The following PPP2R5D variants were observed in gnomAD, a reference collection of about 807,000 sequenced individuals.
PPP2R5D encodes protein phosphatase 2 regulatory subunit B'delta, also known as serine/threonine-protein phosphatase 2A 56 kDa regulatory subunit delta isoform.
A neutral mutation model predicts 79.1 loss-of-function variants in PPP2R5D; 12 were observed. The ratio of observed to expected loss-of-function variants is 0.15; its 90% CI spans 0.10 to 0.25. The LOEUF is 0.25. PPP2R5D is among the 10% of genes least tolerant of loss of function. The pLI, the probability that PPP2R5D is intolerant of heterozygous loss-of-function variation, is 1.00. For synonymous variants in PPP2R5D, 277 were observed against 286.6 expected, an observed-to-expected ratio of 0.97 and a Z score of 0.34; for missense variants, 419 against 760.2, an observed-to-expected ratio of 0.55 and a Z score of 5.28.
At position 43,010,919 on chromosome 6, in the gene PPP2R5D, G is replaced by A. The variant is rs755103246; in HGVS notation, c.1593G>A (p.Val531=). The A allele has an allele frequency of 1.2e-6, 2 of 1,614,130 alleles. No individual in the cohort carries two copies. Among genetic ancestry groups the A allele is most frequent in the Non-Finnish European group, 8.5e-7 (1 of 1,180,028 alleles). The change falls in exon 15 of 16, where the codon GTG becomes GTA. Residue 531 remains valine, a synonymous_variant. Transcript: ENST00000485511. The surrounding 1 kb of genome is among the most constrained non-coding windows in gnomAD (Gnocchi z 4.7). ...MFRAPPPLPP[V]YSMETETPTA... is the part of the protein sequence containing the mutation. The stretch of plus-strand genomic sequence containing the variant: ...GAGCCCCTCCACCACTGCCCCCTGT[G>A]TACTCGATGGAGACAGAGACCCCCA...
chr6:43,004,593 T>G (rs933889975), intron 2 of PPP2R5D, among the ~76,000 whole-genome samples: 5 of 149,166 alleles, frequency 3.4e-5, no homozygotes, highest in African/African-American at 5.0e-5. Flanking sequence ...TTTTTGAGAT[T>G]TAGATATTAT....
intron 2 of PPP2R5D, among the ~76,000 whole-genome samples, chr6:42,990,512 G>A (rs116091500): frequency 0.011 from 1,697 of 152,198 alleles, 30 homozygotes; most frequent in African/African-American, 0.038. Flanking sequence ...TTAACTATGC[G>A]TTTAGATGTT....
chr6:42,997,254 G>A (rs190585896), intron 2 of PPP2R5D, among the ~76,000 whole-genome samples: 2 of 151,710 alleles, frequency 1.3e-5, no homozygotes, highest in Admixed American at 6.6e-5. Flanking sequence ...GTGCAATGGC[G>A]TGATCTCAGC....
At chr6:42,998,046 T>TATATATATATAC (rs1771890512) in intron 2 of PPP2R5D, among the ~76,000 whole-genome samples, 1 of 29,618 alleles carries the variant, frequency 3.4e-5, no homozygotes, top group African/African-American at 9.5e-5. Flanking sequence ...TATATATATA[T>TATATATATATAC]ATATATATAT....
Position 43,010,079 on chromosome 6 carries a change from C to A in PPP2R5D, c.1380-389C>A, listed in dbSNP as rs75950129. The stretch of plus-strand genomic sequence containing the variant: ...GTGAGACTCCGTCTTAAAAAAAAAA[C>A]TCAGGGTTTTGAAAAGACTTTTCTG... On this transcript the variant is annotated intron_variant, in intron 12 of 15. Transcript: ENST00000485511. This position sits in a 1 kb window ranked among gnomAD's most constrained non-coding sequence, Gnocchi z 4.7. Among the ~76,000 whole-genome samples, 3 of 144,308 alleles carry A rather than the reference C, an allele frequency of 2.1e-5. No homozygotes were observed. The highest frequency in any genetic ancestry group is 8.5e-5 in the African/African-American group (3 of 35,198). 94.7% of individuals were successfully genotyped at this position (144,308 alleles called of 152,430 possible).
Position 43,008,535 on chromosome 6 carries a change from A to T in PPP2R5D, c.1026+60A>T. ...GGCAGCAGAGAAAAGAGCCGGCAGGAAAGTGTTCCAGCTGGGATAGGGGAA... is the reference window on the plus strand; with the variant it reads ...GGCAGCAGAGAAAAGAGCCGGCAGGTAAGTGTTCCAGCTGGGATAGGGGAA... On this transcript the variant is annotated intron_variant, in intron 9 of 15. Coordinates refer to ENST00000485511, the MANE Select transcript of PPP2R5D (RefSeq NM_006245.4). This position sits in a 1 kb window ranked among gnomAD's most constrained non-coding sequence, Gnocchi z 4.2. 6.5e-7 allele frequency: 1 copy of T among 1,530,898 alleles called. No homozygotes were observed. Among genetic ancestry groups the T allele is most frequent in the Non-Finnish European group, 9.0e-7 (1 of 1,105,296 alleles). 94.8% of individuals were successfully genotyped at this position (1,530,898 alleles called of 1,614,324 possible).
chr6:43,011,883 G>T lies in PPP2R5D; in HGVS notation c.*597G>T, dbSNP rs1762366898. 6.3e-6 allele frequency: 1 copy of T among 157,888 alleles called. No homozygotes were observed. The highest frequency in any genetic ancestry group is 1.9e-4 in the South Asian group (1 of 5,308). The allele number at this position is 157,888 out of a possible 1,614,324, so 9.8% of individuals were successfully genotyped here. On this transcript the variant is annotated 3_prime_UTR_variant, in exon 16 of 16. Coordinates refer to ENST00000485511, the MANE Select transcript of PPP2R5D (RefSeq NM_006245.4). ...GGTCAAAAGGAGAAAAGTATAGGCT[G>T]TGGACAATAACTGATGAATATAGGG...
chr6:42,995,853 G>A (rs180919581), intron 2 of PPP2R5D, among the ~76,000 whole-genome samples: 2 of 149,414 alleles, frequency 1.3e-5, no homozygotes, highest in African/African-American at 4.9e-5. Context: ...AGCTGGGGCT[G>A]CAGGCACGAG....
rs1057087182 is a variant in PPP2R5D at position 42,998,396 on chromosome 6, C to T, written c.106-8067C>T. Among the ~76,000 whole-genome samples the T allele has an allele frequency of 2.6e-5, 4 of 151,674 alleles. No homozygotes were observed. The South Asian group carries it at 6.3e-4, about 24-fold the overall frequency. ...CGTGGGTTTAATTATTAATGATGGC[C>T]GTGTTCGGAATAGGCTGGACCAGGA... On this transcript the variant is annotated intron_variant, in intron 2 of 15. Coordinates refer to ENST00000485511, the MANE Select transcript of PPP2R5D (RefSeq NM_006245.4).
chr6:42,984,787 C>A, intron 1 of PPP2R5D, 83 bp downstream of exon 1: 1 of 1,585,680 alleles, frequency 6.3e-7, no homozygotes. Context: ...CCCGGGACAG[C>A]CCCAGACTGA....
intron 2 of PPP2R5D, among the ~76,000 whole-genome samples, chr6:42,999,903 G>A (rs1772053516): frequency 6.6e-6 from 1 of 151,806 alleles, no homozygotes; most frequent in Non-Finnish European, 1.5e-5. Flanking sequence ...AAACCTTACC[G>A]GAATAATCGT....
chr6:42,992,435 C>G (rs1305562870), intron 2 of PPP2R5D, among the ~76,000 whole-genome samples: 1 of 152,158 alleles, frequency 6.6e-6, no homozygotes, highest in Non-Finnish European at 1.5e-5. Context: ...CAGAGCCTTT[C>G]TAATTGATCT....
At position 43,008,109 on chromosome 6, in the gene PPP2R5D, T is replaced by G; in HGVS notation, c.857+44T>G. ...GCTTAGGAGCAAAACCTTCTGCTAC[T>G]GAGGTGGGGTGGGAGCAGGGAGGTG... On this transcript the variant is annotated intron_variant, in intron 7 of 15. Transcript: ENST00000485511. This position sits in a 1 kb window ranked among gnomAD's most constrained non-coding sequence, Gnocchi z 4.2. 3.1e-6 allele frequency: 5 copies of G among 1,613,710 alleles called. No homozygotes were observed. Among genetic ancestry groups the G allele is most frequent in the Non-Finnish European group, 4.2e-6 (5 of 1,179,664 alleles).
Position 43,006,626 on chromosome 6 carries a change from C to T in PPP2R5D, c.269C>T (p.Ser90Phe). Residue 90 changes from serine (S) to phenylalanine (F), a missense_variant, in exon 3 of 16, where the codon TCC becomes TTC. By Grantham distance (155) the Ser-to-Phe change is radical (BLOSUM62 -2). Around this residue, in one of 5 missense-constraint regions of PPP2R5D, gnomAD observed 110 missense variants for 147.6 expected, o/e 0.75. Transcript: ENST00000485511. The surrounding 1 kb of genome is among the most constrained non-coding windows in gnomAD (Gnocchi z 4.7). ...AAGAAGGAGCGACGGCAAAGCTCCTCCCGCTTCAACCTCAGCAAGAATCGG... is the reference window on the plus strand; with the variant it reads ...AAGAAGGAGCGACGGCAAAGCTCCTTCCGCTTCAACCTCAGCAAGAATCGG... ...IVKKERRQSS[S>F]RFNLSKNREL... The T allele has an allele frequency of 6.2e-7, 1 of 1,614,174 alleles. No homozygotes were observed. Among genetic ancestry groups the T allele is most frequent in the Non-Finnish European group, 8.5e-7 (1 of 1,180,040 alleles).
Position 43,009,637 on chromosome 6 carries a change from A to G in PPP2R5D, c.1379+188A>G, listed in dbSNP as rs950686036. Among the ~76,000 whole-genome samples, 9 of 152,150 alleles carry G rather than the reference A, an allele frequency of 5.9e-5. No individual in the cohort carries two copies. The highest frequency in any genetic ancestry group is 4.6e-4 in the Admixed American group (7 of 15,268). ...TGCCTGTGTGCAAGATCTCTGTGAT[A>G]CCAAACAGCAGGGCAGCGGCCTGTT... is the stretch of plus-strand genomic sequence containing the variant. On this transcript the variant is annotated intron_variant, in intron 12 of 15. Transcript: ENST00000485511. The surrounding 1 kb of genome is among the most constrained non-coding windows in gnomAD (Gnocchi z 5.6).
chr6:43,001,459 G>A (rs551771538), intron 2 of PPP2R5D, among the ~76,000 whole-genome samples: 1 of 152,248 alleles, frequency 6.6e-6, no homozygotes, highest in East Asian at 1.9e-4. Context: ...ATTTTTAAAT[G>A]AGGATAATGG....
chr6:43,006,364 C>T lies in PPP2R5D; in HGVS notation c.106-99C>T. The T allele has an allele frequency of 6.6e-7, 1 of 1,505,492 alleles. No homozygotes were observed. Among genetic ancestry groups the T allele is most frequent in the Non-Finnish European group, 8.9e-7 (1 of 1,125,808 alleles). 93.3% of individuals were successfully genotyped at this position (1,505,492 alleles called of 1,614,324 possible). ...GGGGCAGGAGACAGCTGCTCACTGCCCAGGCCTGTGCAGGCATAAACAGAC... is the reference window on the plus strand; with the variant it reads ...GGGGCAGGAGACAGCTGCTCACTGCTCAGGCCTGTGCAGGCATAAACAGAC... On this transcript the variant is annotated intron_variant, in intron 2 of 15. Coordinates refer to ENST00000485511, the MANE Select transcript of PPP2R5D (RefSeq NM_006245.4). The surrounding 1 kb of genome is among the most constrained non-coding windows in gnomAD (Gnocchi z 4.7).
Position 43,012,244 on chromosome 6 carries a change from G to A in PPP2R5D, c.*958G>A. On this transcript the variant is annotated 3_prime_UTR_variant, in exon 16 of 16. Transcript: ENST00000485511. Reference sequence around the variant, plus strand: ...AGTGCGGCTTTTGGCTGTGTACATAGGGTGCTTTATTCTCCACAGAGTGAT... The same window carrying A: ...AGTGCGGCTTTTGGCTGTGTACATAAGGTGCTTTATTCTCCACAGAGTGAT... 7.9e-7 allele frequency: 1 copy of A among 1,261,790 alleles called. No individual in the cohort carries two copies. Among genetic ancestry groups the A allele is most frequent in the Non-Finnish European group, 1.0e-6 (1 of 1,001,196 alleles). The allele number at this position is 1,261,790 out of a possible 1,614,324, so 78.2% of individuals were successfully genotyped here.
chr6:42,984,734 G>C (rs1370232611), intron 1 of PPP2R5D, 30 bp downstream of exon 1: 5 of 1,607,006 alleles, frequency 3.1e-6, no homozygotes, highest in Non-Finnish European at 3.4e-6. Flanking sequence ...CCCCACCGCC[G>C]CCTTGGAGCC....
Sources: allele counts gnomAD v4.1 joint callset (sites outside exome capture counted in the v4.1 genomes callset), GRCh38; gene constraint gnomAD v4.1.1; regional missense constraint gnomAD v4.1.1; non-coding constraint Gnocchi (gnomAD v3.1); transcripts MANE v1.5; gene names NCBI Gene and HGNC (gene_info 2026-07-23, HGNC 2026-07-21).